Variants in CNTNAP2 observed in about 807,000 individuals in gnomAD.
CNTNAP2 encodes contactin-associated protein-like 2.
CNTNAP2 carries 98 observed loss-of-function variants against 155.2 expected under a neutral mutation model. The observed-to-expected ratio is 0.63, with a 90% CI of 0.54 to 0.75. The LOEUF (loss-of-function observed/expected upper bound fraction) is 0.75, where lower values mean the gene tolerates loss of function less well. Ranked by LOEUF, CNTNAP2 falls within the 30% of genes least tolerant of loss-of-function variation. The probability of loss-of-function intolerance (pLI) is 0.00; values close to 1 mark genes in which losing one functional copy is unlikely to be tolerated. For synonymous variants in CNTNAP2, 651 were observed against 631.2 expected (o/e 1.03, Z -0.47); for missense variants, 1,727 against 1,688.1 (o/e 1.02, Z -0.40).
At chr7:146,233,464 C>CT (rs11453742) in intron 1 of CNTNAP2, among the ~76,000 whole-genome samples, 102,757 of 149,238 alleles carry the variant, frequency 0.69, 36,226 homozygotes, top group East Asian at 0.94. Context: ...CTCTGTGACT[C>CT]TTTTTTTTTT....
intron 12 of CNTNAP2, among the ~76,000 whole-genome samples, chr7:147,603,761 C>T (rs1269439204): frequency 6.6e-6 from 1 of 152,142 alleles, no homozygotes; most frequent in Non-Finnish European, 1.5e-5. Context: ...CCCACATCAC[C>T]AAGTCAATCC....
At chr7:147,191,669 A>G (rs1323798254) in intron 8 of CNTNAP2, among the ~76,000 whole-genome samples, 1 of 152,178 alleles carries the variant, frequency 6.6e-6, no homozygotes, top group Non-Finnish European at 1.5e-5. Context: ...GAGGGGAAAG[A>G]ACAATACGGT....
intron 9 of CNTNAP2, among the ~76,000 whole-genome samples, chr7:147,350,107 A>G (rs138153216): frequency 6.6e-6 from 1 of 151,946 alleles, no homozygotes; most frequent in Non-Finnish European, 1.5e-5. Context: ...CTGATTATAG[A>G]TGTTAGAAAA....
At chr7:147,133,421 A>C (rs1377643660) in intron 8 of CNTNAP2, among the ~76,000 whole-genome samples, 2 of 151,998 alleles carry the variant, frequency 1.3e-5, no homozygotes, top group Admixed American at 1.3e-4. Context: ...AGAGAGCTCA[A>C]TTGGGTGACC....
intron 8 of CNTNAP2, among the ~76,000 whole-genome samples, chr7:147,154,570 G>A (rs1801887288): frequency 1.3e-5 from 2 of 152,184 alleles, no homozygotes; most frequent in South Asian, 4.2e-4. Flanking sequence ...TTAATTTTGT[G>A]CACTCTAGTC....
At chr7:147,417,079 A>C (rs1029069234) in intron 10 of CNTNAP2, among the ~76,000 whole-genome samples, 1 of 129,658 alleles carries the variant, frequency 7.7e-6, no homozygotes, top group African/African-American at 3.1e-5. Context: ...ACAGAGCAAG[A>C]CTCTGGTCTC....
intron 20 of CNTNAP2, among the ~76,000 whole-genome samples, chr7:148,264,163 A>G (rs759147094): frequency 3.3e-5 from 5 of 152,224 alleles, no homozygotes; most frequent in Admixed American, 6.5e-5. Context: ...CTATGTATCC[A>G]TAGAACGAAA....
chr7:147,957,851 G>T (rs1042468314), intron 14 of CNTNAP2, among the ~76,000 whole-genome samples: 5 of 152,110 alleles, frequency 3.3e-5, no homozygotes, highest in Non-Finnish European at 7.3e-5. Context: ...GAGGTGGGAG[G>T]ATTGCTTGAA....
intron 10 of CNTNAP2, among the ~76,000 whole-genome samples, chr7:147,411,498 T>C (rs898469405): frequency 1.5e-4 from 23 of 152,180 alleles, no homozygotes; most frequent in Admixed American, 1.5e-3. Flanking sequence ...ATGTCTGAAA[T>C]AGACAATTCA....
At chr7:147,332,366 A>C (rs1374358967) in intron 9 of CNTNAP2, among the ~76,000 whole-genome samples, 1 of 152,146 alleles carries the variant, frequency 6.6e-6, no homozygotes, top group African/African-American at 2.4e-5. Flanking sequence ...CCATTATAGC[A>C]ACAAGTTGGA....
intron 8 of CNTNAP2, among the ~76,000 whole-genome samples, chr7:147,213,271 T>C (rs755561859): frequency 3.3e-5 from 5 of 152,198 alleles, no homozygotes; most frequent in Non-Finnish European, 7.3e-5. Flanking sequence ...CTCTTTGTTC[T>C]ATCCAAACCC....
At chr7:147,134,331 T>C (rs1468209272) in intron 8 of CNTNAP2, among the ~76,000 whole-genome samples, 5 of 151,908 alleles carry the variant, frequency 3.3e-5, no homozygotes, top group African/African-American at 1.2e-4. Flanking sequence ...TACATGACAG[T>C]TAATTCACCT....
At chr7:146,679,495 A>G (rs967569740) in intron 1 of CNTNAP2, among the ~76,000 whole-genome samples, 3 of 151,764 alleles carry the variant, frequency 2.0e-5, no homozygotes, top group Non-Finnish European at 2.9e-5. Context: ...GGCTGGGATT[A>G]CAGGCGCCCG....
chr7:146,649,389 T>C (rs1799867694), intron 1 of CNTNAP2, among the ~76,000 whole-genome samples: 1 of 152,146 alleles, frequency 6.6e-6, no homozygotes, highest in South Asian at 2.1e-4. Context: ...TGTAAAGTAG[T>C]AGAACTTATG....
At chr7:146,812,963 G>C (rs1463955412) in intron 2 of CNTNAP2, among the ~76,000 whole-genome samples, 2 of 152,056 alleles carry the variant, frequency 1.3e-5, no homozygotes, top group Non-Finnish European at 2.9e-5. Flanking sequence ...CCCAATCCTT[G>C]GTGGCTTCCA....
intron 21 of CNTNAP2, among the ~76,000 whole-genome samples, chr7:148,352,139 A>C (rs2116600348): frequency 6.6e-6 from 1 of 152,336 alleles, no homozygotes; most frequent in South Asian, 2.1e-4. Flanking sequence ...TTTTATTCCA[A>C]GAGCAGCTGG....
chr7:146,454,888 A>G (rs12532167), intron 1 of CNTNAP2, among the ~76,000 whole-genome samples: 88,706 of 151,960 alleles, frequency 0.58, 28,905 homozygotes, highest in South Asian at 0.82. Context: ...GAAAAATTGT[A>G]TTATACTTTT....
At chr7:148,210,175 T>A (rs1298864171) in intron 18 of CNTNAP2, among the ~76,000 whole-genome samples, 1 of 152,188 alleles carries the variant, frequency 6.6e-6, no homozygotes, top group East Asian at 1.9e-4. Flanking sequence ...AGCAATGAAA[T>A]GATTTGCCTG....
intron 3 of CNTNAP2, among the ~76,000 whole-genome samples, chr7:147,006,026 A>G (rs544751697): frequency 6.6e-6 from 1 of 151,954 alleles, no homozygotes; most frequent in Non-Finnish European, 1.5e-5. Flanking sequence ...ATCTGGCTGG[A>G]GCCCTGTAAA....
Sources: allele counts gnomAD v4.1 joint callset (sites outside exome capture counted in the v4.1 genomes callset), GRCh38; gene constraint gnomAD v4.1.1; transcripts MANE v1.5; gene names NCBI Gene and HGNC (gene_info 2026-07-23, HGNC 2026-07-21).